Variants in DNAH6 observed in about 807,000 individuals in gnomAD.
The protein encoded by DNAH6 is axonemal beta dynein heavy chain 6.
DNAH6 carries 340 observed loss-of-function variants against 491.4 expected under a neutral mutation model. The ratio of observed to expected loss-of-function variants is 0.69; its 90% CI spans 0.63 to 0.76. The LOEUF (loss-of-function observed/expected upper bound fraction) is 0.76, where lower values mean the gene tolerates loss of function less well. Among genes scored for constraint, DNAH6 ranks in the 30% least tolerant of loss-of-function variants. DNAH6 has a pLI of 0.00. For synonymous variants in DNAH6, 1,603 were observed against 1,686.1 expected, an observed-to-expected ratio of 0.95 and a Z score of 1.21; for missense variants, 4,443 against 4,972.2, an observed-to-expected ratio of 0.89 and a Z score of 3.20.
At chr2:84,625,131 A>G (rs1026987801) in intron 29 of DNAH6, 68 bp downstream of exon 29, 1 of 1,351,376 alleles carries the variant, frequency 7.4e-7, no homozygotes, top group South Asian at 1.9e-5. Flanking sequence ...GCAACATGAC[A>G]TAACAAAATA....
chr2:84,685,544 T>C, intron 43 of DNAH6, 72 bp downstream of exon 43: 2 of 947,392 alleles, frequency 2.1e-6, no homozygotes, highest in Non-Finnish European at 2.9e-6. Flanking sequence ...CAAAGAACAA[T>C]TAACACAAAA....
At chr2:84,488,270 G>A in the DNAH6 span, among the ~76,000 whole-genome samples, 1 of 151,944 alleles carries the variant, frequency 6.6e-6, no homozygotes, top group Non-Finnish European at 1.5e-5. Flanking sequence ...TGTTCTGGAG[G>A]TCAGAAATCT....
At chr2:84,573,433 T>G (rs1255724356) in intron 11 of DNAH6, 34 bp from the exon 12 acceptor site, 1 of 1,541,596 alleles carries the variant, frequency 6.5e-7, no homozygotes, top group African/African-American at 1.4e-5. Context: ...AACAAAAATA[T>G]GGTCATATTT....
intron 70 of DNAH6, 117 bp downstream of exon 70, chr2:84,797,775 A>T: frequency 1.0e-6 from 1 of 960,382 alleles, no homozygotes; most frequent in Non-Finnish European, 1.5e-6. Flanking sequence ...CAAATAAAAT[A>T]ATTGTTTCAC....
intron 11 of DNAH6, among the ~76,000 whole-genome samples, chr2:84,568,360 A>G (rs1271662121): frequency 6.6e-6 from 1 of 152,226 alleles, no homozygotes; most frequent in African/African-American, 2.4e-5. Flanking sequence ...AAAATGTGAT[A>G]TATATATACC....
In DNAH6 at chr2:84,704,094, G is replaced by A; in HGVS notation, c.8257G>A (p.Ala2753Thr). The change falls in exon 51 of 77, where the codon GCA (alanine) becomes ACA (threonine). Residue 2753 changes from alanine (A) to threonine (T), a missense_variant. Around this residue, in one of 3 missense-constraint regions of DNAH6, gnomAD observed 2,977 missense variants for 3,296.6 expected, o/e 0.90. Coordinates refer to ENST00000389394, the MANE Select transcript of DNAH6 (RefSeq NM_001370.2). ...QVRNTVQEDE[A>T]TAKVKAEETQ... The stretch of plus-strand genomic sequence containing the variant: ...CCGTAACACTGTGCAGGAGGATGAA[G>A]CAACAGCAAAAGTCAAAGCTGAAGA... The A allele has an allele frequency of 1.3e-6, 2 of 1,551,766 alleles. No individual in the cohort carries two copies. The highest frequency in any genetic ancestry group is 2.4e-5 in the East Asian group (1 of 40,920).
At chr2:84,772,010 T>G (rs1262659432) in intron 64 of DNAH6, among the ~76,000 whole-genome samples, 1 of 152,002 alleles carries the variant, frequency 6.6e-6, no homozygotes, top group Non-Finnish European at 1.5e-5. Flanking sequence ...AAAACAATAA[T>G]TATAAATATA....
chr2:84,723,554 A>G (rs1236162870), intron 60 of DNAH6, among the ~76,000 whole-genome samples: 1 of 152,086 alleles, frequency 6.6e-6, no homozygotes, highest in East Asian at 1.9e-4. Flanking sequence ...CCTTTCCACT[A>G]TTAGTGTTTT....
chr2:84,604,947 C>T (rs1195042284), intron 19 of DNAH6, among the ~76,000 whole-genome samples: 2 of 152,172 alleles, frequency 1.3e-5, no homozygotes, highest in African/African-American at 2.4e-5. Context: ...CACCTACTAA[C>T]CCTCTGCATA....
intron 15 of DNAH6, among the ~76,000 whole-genome samples, chr2:84,586,708 G>A (rs533728507): frequency 2.0e-5 from 3 of 152,148 alleles, no homozygotes; most frequent in Non-Finnish European, 4.4e-5. Flanking sequence ...TACAGAAAAG[G>A]AAATTAGGGG....
At chr2:84,510,516 C>T in the DNAH6 span, among the ~76,000 whole-genome samples, 1 of 152,080 alleles carries the variant, frequency 6.6e-6, no homozygotes, top group Admixed American at 6.5e-5. Context: ...GCCATGGGTT[C>T]GAACTTCCTC....
Position 84,787,298 on chromosome 2 carries a change from T to C in DNAH6, c.11235T>C (p.Ile3745=). 6.5e-7 allele frequency: 1 copy of C among 1,548,810 alleles called. No homozygotes were observed. The highest frequency in any genetic ancestry group is 8.7e-7 in the Non-Finnish European group (1 of 1,145,816). The change falls in exon 68 of 77, where the codon ATT becomes ATC. Residue 3745 remains isoleucine, a synonymous_variant. Coordinates refer to ENST00000389394, the MANE Select transcript of DNAH6 (RefSeq NM_001370.2). ...TTCCCTGGGATGCACTAATTTACAT[T>C]ACTGGTGAGTACGTCCTTGTGGCCA... is the stretch of plus-strand genomic sequence containing the variant. The part of the protein sequence containing the change: ...GKIPWDALIY[I]TGEITYGGRV...
At chr2:84,817,901 A>G (rs1199375936) in intron 76 of DNAH6, among the ~76,000 whole-genome samples, 2 of 152,150 alleles carry the variant, frequency 1.3e-5, no homozygotes, top group Non-Finnish European at 2.9e-5. Context: ...CCCCCATTCC[A>G]AGGAGTATTA....
the DNAH6 span, among the ~76,000 whole-genome samples, chr2:84,493,909 A>G: frequency 6.6e-6 from 1 of 152,212 alleles, no homozygotes; most frequent in Admixed American, 6.5e-5. Flanking sequence ...GACTGTGACA[A>G]CAAGCAAGGC....
intron 4 of DNAH6, among the ~76,000 whole-genome samples, chr2:84,541,873 AATAC>A (rs1455446700): frequency 1.3e-5 from 2 of 152,142 alleles, no homozygotes; most frequent in Non-Finnish European, 2.9e-5. Flanking sequence ...TGAGTCTTGG[AATAC>A]ATAAAGATTC....
intron 48 of DNAH6, 85 bp downstream of exon 48, chr2:84,699,819 G>A: frequency 7.4e-7 from 1 of 1,344,480 alleles, no homozygotes; most frequent in African/African-American, 1.5e-5. Flanking sequence ...AGTAACTCAT[G>A]GGTACTTGTA....
chr2:84,762,831 C>T lies in DNAH6; in HGVS notation c.10589C>T (p.Pro3530Leu), dbSNP rs900993780. ...QFIETPPVDL[P>L]TLYQDMSCNT... ...ATAGAGACACCACCTGTGGACCTGC[C>T]TACCCTGTATCAAGACATGTCATGC... The change falls in exon 64 of 77, where the codon CCT (proline) becomes CTT (leucine). Residue 3530 changes from proline (P) to leucine (L), a missense_variant. Physicochemically the swap from Pro to Leu is moderately conservative, Grantham distance 98. Around this residue, in one of 3 missense-constraint regions of DNAH6, gnomAD observed 1,463 missense variants for 1,656.6 expected, o/e 0.88. Transcript: ENST00000389394. The T allele has an allele frequency of 6.4e-7, 1 of 1,551,028 alleles. No individual in the cohort carries two copies. Among genetic ancestry groups the T allele is most frequent in the African/African-American group, 1.4e-5 (1 of 72,980 alleles).
chr2:84,587,504 A>T (rs948238960), intron 15 of DNAH6, among the ~76,000 whole-genome samples: 6 of 152,234 alleles, frequency 3.9e-5, no homozygotes, highest in Non-Finnish European at 7.3e-5. Flanking sequence ...CTTCTATAGA[A>T]GGTTTGAAAT....
At chr2:84,737,391 C>T (rs1276681580) in intron 62 of DNAH6, among the ~76,000 whole-genome samples, 1 of 151,984 alleles carries the variant, frequency 6.6e-6, no homozygotes, top group Non-Finnish European at 1.5e-5. Context: ...GGAATAGTTT[C>T]AGTGGAATTG....
Sources: allele counts gnomAD v4.1 joint callset (sites outside exome capture counted in the v4.1 genomes callset), GRCh38; gene constraint gnomAD v4.1.1; regional missense constraint gnomAD v4.1.1; transcripts MANE v1.5; gene names NCBI Gene and HGNC (gene_info 2026-07-23, HGNC 2026-07-21).